ZNF700: variants seen among roughly 807,000 people sequenced by gnomAD.
ZNF700 encodes the protein zinc finger protein 700.
ZNF700 carries 38 observed loss-of-function variants against 65.3 expected under a neutral mutation model. That is an observed-to-expected ratio of 0.58 (90% CI 0.45 to 0.76). The LOEUF is 0.76. Ranked by LOEUF, ZNF700 falls within the 30% of genes least tolerant of loss-of-function variation. ZNF700 has a pLI of 0.00. For missense variants in ZNF700, 857 were observed against 888.4 expected (o/e 0.96, Z 0.45); for synonymous variants, 285 against 290.4 (o/e 0.98, Z 0.19).
Position 11,933,228 on chromosome 19 carries a change from G to A in ZNF700, c.63+7955G>A, listed in dbSNP as rs1141196. On this transcript the variant is annotated intron_variant, in intron 1 of 3. Coordinates refer to ENST00000254321, the MANE Select transcript of ZNF700 (RefSeq NM_144566.3). ...GACTCAGGAGTTGGAGGCCAGCCTA[G>A]GCAACATAGCAAGGCCCTGTTTCAA... is the stretch of plus-strand genomic sequence containing the variant. Among the ~76,000 whole-genome samples, 315 of 145,714 alleles carry A rather than the reference G, an allele frequency of 2.2e-3. 42 individuals are homozygous for A. The highest frequency in any genetic ancestry group is 8.0e-3 in the African/African-American group (292 of 36,276).
At position 11,929,353 on chromosome 19, in the gene ZNF700, A is replaced by G. The variant is rs1049004493; in HGVS notation, c.63+4080A>G. On this transcript the variant is annotated intron_variant, in intron 1 of 3. Transcript: ENST00000254321. ...TGATTTTTGTATTTTTAGTAAAGAC[A>G]GGGTTTTACCACACTGGCCAGGCTA... Among the ~76,000 whole-genome samples the G allele has an allele frequency of 1.1e-4, 16 of 148,064 alleles. 2 individuals carry two copies. Among genetic ancestry groups the G allele is most frequent in the South Asian group, 4.2e-4 (2 of 4,774 alleles).
At chr19:11,944,707 T>C (rs1184000099) in intron 1 of ZNF700, among the ~76,000 whole-genome samples, 1 of 152,244 alleles carries the variant, frequency 6.6e-6, no homozygotes, top group African/African-American at 2.4e-5. Context: ...CCTGCAGATC[T>C]TCAAAGGGGG....
At position 11,949,017 on chromosome 19, in the gene ZNF700, A is replaced by G. The variant is rs1356281169; in HGVS notation, c.993A>G (p.Lys331=). 1.9e-6 allele frequency: 3 copies of G among 1,606,416 alleles called. No individual in the cohort carries two copies. In the East Asian group the frequency reaches 6.7e-5, roughly 36 times the overall value. ...LRRHERTHSG[K]KPYECKQYGE... Reference sequence around the variant, plus strand: ...GACATGAAAGGACCCACTCTGGGAAAAAACCGTATGAATGTAAGCAATATG... The same window carrying G: ...GACATGAAAGGACCCACTCTGGGAAGAAACCGTATGAATGTAAGCAATATG... Residue 331 remains lysine (K), a synonymous_variant, in exon 4 of 4, where the codon AAA becomes AAG. Transcript: ENST00000254321.
intron 1 of ZNF700, among the ~76,000 whole-genome samples, chr19:11,935,108 G>A (rs1256985026): frequency 2.8e-5 from 4 of 143,480 alleles, no homozygotes; most frequent in Non-Finnish European, 4.5e-5. Flanking sequence ...CCCGGGAGGC[G>A]GAGCTTGCAG....
intron 1 of ZNF700, among the ~76,000 whole-genome samples, chr19:11,929,603 G>A (rs545255125): frequency 6.8e-6 from 1 of 148,078 alleles, no homozygotes; most frequent in Non-Finnish European, 1.5e-5. Flanking sequence ...ATTTAAATTC[G>A]ATTTCAGGGT....
intron 1 of ZNF700, among the ~76,000 whole-genome samples, chr19:11,932,905 G>A (rs1280344140): frequency 1.3e-5 from 2 of 148,330 alleles, no homozygotes; most frequent in Admixed American, 6.6e-5. Flanking sequence ...CCAAAGTGCT[G>A]GGATTACAGG....
intron 1 of ZNF700, among the ~76,000 whole-genome samples, chr19:11,929,883 T>C (rs1187522203): frequency 6.7e-6 from 1 of 148,440 alleles, no homozygotes; most frequent in Non-Finnish European, 1.5e-5. Flanking sequence ...TCCTTTTATC[T>C]TTCCTAGACA....
At position 11,925,167 on chromosome 19, in the gene ZNF700, C is replaced by T. The variant is rs1249018217; in HGVS notation, c.-44C>T. The T allele has an allele frequency of 6.2e-7, 1 of 1,607,520 alleles. No homozygotes were observed. Among genetic ancestry groups the T allele is most frequent in the Admixed American group, 1.7e-5 (1 of 59,818 alleles). ...ACCGGTCAGACCAGCCCGAGAGGGACCTGGTGCCTGTACCCAGGCTTCTGT... is the reference window on the plus strand; with the variant it reads ...ACCGGTCAGACCAGCCCGAGAGGGATCTGGTGCCTGTACCCAGGCTTCTGT... On this transcript the variant is annotated 5_prime_UTR_variant, in exon 1 of 4. Transcript: ENST00000254321.
chr19:11,946,983 T>A, intron 1 of ZNF700, 198 bp from the exon 2 acceptor site: 1 of 1,047,010 alleles, frequency 9.6e-7, no homozygotes, highest in Non-Finnish European at 1.3e-6. Flanking sequence ...AGTGAAACTC[T>A]GTCTCAAAAA....
At chr19:11,940,168 G>A (rs1972858637) in intron 1 of ZNF700, 1 of 152,108 alleles carries the variant, frequency 6.6e-6, no homozygotes, top group Non-Finnish European at 1.5e-5. Flanking sequence ...AACCTCAGGT[G>A]ATCGACCTGC....
chr19:11,944,507 G>A (rs537025222), intron 1 of ZNF700, among the ~76,000 whole-genome samples: 6 of 152,226 alleles, frequency 3.9e-5, no homozygotes, highest in African/African-American at 1.4e-4. Context: ...AGCCACAAAC[G>A]CTGGCCTGTT....
chr19:11,948,596 A>C lies in ZNF700; in HGVS notation c.572A>C (p.Glu191Ala), dbSNP rs757126800. 6.2e-7 allele frequency: 1 copy of C among 1,608,180 alleles called. No homozygotes were observed. The highest frequency in any genetic ancestry group is 8.5e-7 in the Non-Finnish European group (1 of 1,178,800). ...IRTQERDHTGEKPYACKVCGK... is the reference protein window; with the variant it reads ...IRTQERDHTGAKPYACKVCGK... ...ACACAAGAAAGGGATCACACTGGAG[A>C]GAAACCCTATGCTTGTAAAGTCTGT... Residue 191 changes from glutamate (E) to alanine (A), a missense_variant, in exon 4 of 4, where the codon GAG (glutamate) becomes GCG (alanine). By Grantham distance (107) the Glu-to-Ala change is moderately radical. This residue lies in a region of ZNF700 where 603 missense variants were observed against 619.9 expected (regional missense o/e 0.97). Transcript: ENST00000254321.
chr19:11,946,461 C>T (rs945398357), intron 1 of ZNF700, among the ~76,000 whole-genome samples: 1 of 152,096 alleles, frequency 6.6e-6, no homozygotes, highest in Non-Finnish European at 1.5e-5. Context: ...GGAGAGATCC[C>T]TCATTGGCTA....
rs527306333 is a variant in ZNF700, at chr19:11,941,282, G to A, written c.64-5899G>A. On this transcript the variant is annotated intron_variant, in intron 1 of 3. Transcript: ENST00000254321. ...GCAGGTGGAGCTGCCTGCCAGTCCC[G>A]CGCCATGCGCCCGCACTCCTCAGCC... Among the ~76,000 whole-genome samples the A allele has an allele frequency of 2.9e-3, 448 of 152,380 alleles. 3 individuals are homozygous for A. The highest frequency in any genetic ancestry group is 9.5e-3 in the African/African-American group (396 of 41,594).
chr19:11,947,322 A>G lies in ZNF700; in HGVS notation c.190+15A>G, dbSNP rs747338590. 1.9e-6 allele frequency: 3 copies of G among 1,613,424 alleles called. No individual in the cohort carries two copies. The highest frequency in any genetic ancestry group is 1.7e-6 in the Non-Finnish European group (2 of 1,179,862). On this transcript the variant is annotated intron_variant, in intron 2 of 3. Transcript: ENST00000254321. The stretch of plus-strand genomic sequence containing the variant: ...GACCTCTATAGGTAAGGATGACAAT[A>G]TTCCTTCCGTCAGTGCATTAGCAAA...
chr19:11,934,315 G>A (rs1272008673), intron 1 of ZNF700, among the ~76,000 whole-genome samples: 2 of 147,834 alleles, frequency 1.4e-5, no homozygotes, highest in East Asian at 3.9e-4. Flanking sequence ...TTGTAGGATT[G>A]AGACTACTGA....
intron 3 of ZNF700, 150 bp downstream of exon 3, chr19:11,947,724 G>A: frequency 1.3e-6 from 1 of 799,540 alleles, no homozygotes; most frequent in Non-Finnish European, 2.0e-6. Flanking sequence ...ATTTAAACGT[G>A]ACTGAGGCTG....
At chr19:11,947,653 CAAAG>C (rs775877407) in intron 3 of ZNF700, 79 bp downstream of exon 3, 632 of 1,294,214 alleles carry the variant, frequency 4.9e-4, no homozygotes, top group Non-Finnish European at 6.7e-4. Context: ...AGAAGTAAAA[CAAAG>C]AACTAAATCC....
At position 11,929,573 on chromosome 19, in the gene ZNF700, T is replaced by C. The variant is rs902398385; in HGVS notation, c.63+4300T>C. On this transcript the variant is annotated intron_variant, in intron 1 of 3. Coordinates refer to ENST00000254321, the MANE Select transcript of ZNF700 (RefSeq NM_144566.3). ...GCATGAATTTTATTTCCCTATACAT[T>C]AGTAATTTCTGAGAGTTGTATTTAA... 8.8e-5 allele frequency among the ~76,000 whole-genome samples: 13 copies of C among 148,376 alleles called. 1 individual carries two copies. Among genetic ancestry groups the C allele is most frequent in the Admixed American group, 8.6e-4 (13 of 15,096 alleles).
Sources: gnomAD v4.1 joint callset for allele counts (sites outside exome capture counted in the v4.1 genomes callset) on GRCh38, gnomAD v4.1.1 for gene constraint, gnomAD v4.1.1 regional missense constraint, MANE v1.5 for transcripts, NCBI Gene and HGNC (gene_info 2026-07-23, HGNC 2026-07-21) for gene names.